NSUN7: variants seen among roughly 807,000 people sequenced by gnomAD.
NSUN7 encodes the protein protein NSUN7.
In NSUN7, 39 loss-of-function variants were observed where a neutral mutation model predicts 58.5. The observed-to-expected ratio is 0.67, with a 90% confidence interval of 0.52 to 0.87. The LOEUF is 0.87. Among genes scored for constraint, NSUN7 ranks in the 40% least tolerant of loss-of-function variants. The pLI, the probability that NSUN7 is intolerant of heterozygous loss-of-function variation, is 0.00. For missense variants in NSUN7, 765 were observed against 844.1 expected (o/e 0.91, Z 1.16); for synonymous variants, 278 against 303.7 (o/e 0.92, Z 0.88).
At chr4:40,760,617 C>G in intron 3 of NSUN7, 125 bp downstream of exon 3, 1 of 676,694 alleles carries the variant, frequency 1.5e-6, no homozygotes, top group Non-Finnish European at 2.4e-6. Context: ...AATCCCAGCA[C>G]TTTGGGAGGC....
intron 10 of NSUN7, 79 bp downstream of exon 10, chr4:40,798,983 A>G: frequency 3.2e-6 from 2 of 624,436 alleles, no homozygotes; most frequent in South Asian, 6.3e-5. Context: ...TAAGTTGTAT[A>G]AAGACATTCT....
At position 40,790,689 on chromosome 4, in the gene NSUN7, G is replaced by T; in HGVS notation, c.1124G>T (p.Arg375Leu). 6.2e-7 allele frequency: 1 copy of T among 1,603,574 alleles called. No homozygotes were observed. Among genetic ancestry groups the T allele is most frequent in the East Asian group, 2.3e-5 (1 of 44,350 alleles). The change falls in exon 8 of 12, where the codon CGT becomes CTT. Residue 375 changes from arginine (R) to leucine (L), a missense_variant. By Grantham distance (102) the Arg-to-Leu change is moderately radical (BLOSUM62 -2). Coordinates refer to ENST00000381782, the MANE Select transcript of NSUN7 (RefSeq NM_024677.6). ...QKVKVILLLP[R>L]CSGLGVSNPV... ...GTTAAAGTGATTTTGCTGCTACCTC[G>T]TTGTTCAGGACTGGGTGTTAGTAAT... is the stretch of plus-strand genomic sequence containing the variant.
intron 4 of NSUN7, among the ~76,000 whole-genome samples, chr4:40,768,480 G>A (rs1741844945): frequency 2.0e-5 from 3 of 152,222 alleles, no homozygotes; most frequent in Admixed American, 1.3e-4. Flanking sequence ...GTGAGCTGCC[G>A]TGCTCGGCCA....
At chr4:40,780,778 CACACACACATACACATATATATAT>C (rs1490166152) in intron 7 of NSUN7, among the ~76,000 whole-genome samples, 2 of 70,504 alleles carry the variant, frequency 2.8e-5, no homozygotes, top group African/African-American at 6.6e-5. Flanking sequence ...CACACACACA[CACACACACATACACATATATATAT>C]ATATATATAT....
chr4:40,809,020 C>G lies in NSUN7; in HGVS notation c.*81C>G, dbSNP rs984245599. 1.5e-6 allele frequency: 2 copies of G among 1,334,642 alleles called. No homozygotes were observed. Among genetic ancestry groups the G allele is most frequent in the Non-Finnish European group, 2.0e-6 (2 of 1,007,332 alleles). The allele number at this position is 1,334,642 out of a possible 1,614,324, so 82.7% of individuals were successfully genotyped here. ...GTATTTCTCTGAAGATTCTACATCT[C>G]TACACAAGATATTCATTCTTTTGGT... On this transcript the variant is annotated 3_prime_UTR_variant, in exon 12 of 12. Coordinates refer to ENST00000381782, the MANE Select transcript of NSUN7 (RefSeq NM_024677.6).
chr4:40,807,250 G>C (rs2154289617), intron 11 of NSUN7, 66 bp downstream of exon 11: 1 of 1,412,214 alleles, frequency 7.1e-7, no homozygotes, highest in Non-Finnish European at 9.5e-7. Context: ...CCTCATAAGA[G>C]GAAGCCAGGA....
At chr4:40,785,903 T>TGCCAGGCGCCCAGTCCTCC (rs1469196441) in intron 7 of NSUN7, among the ~76,000 whole-genome samples, 1 of 152,252 alleles carries the variant, frequency 6.6e-6, no homozygotes, top group African/African-American at 2.4e-5. Flanking sequence ...GCGCGGCGCC[T>TGCCAGGCGCCCAGTCCTCC]GCCAGGCGCC....
chr4:40,798,294 T>C (rs1315340606), intron 9 of NSUN7, among the ~76,000 whole-genome samples: 1 of 152,190 alleles, frequency 6.6e-6, no homozygotes, highest in East Asian at 1.9e-4. Flanking sequence ...AGGTGCTCAA[T>C]AAGTATGAAT....
chr4:40,792,788 G>A (rs1743153168), intron 8 of NSUN7, among the ~76,000 whole-genome samples: 1 of 151,524 alleles, frequency 6.6e-6, no homozygotes, highest in African/African-American at 2.4e-5. Context: ...TGAAGTAAGC[G>A]GGCTTTTGAA....
At position 40,750,920 on chromosome 4, in the gene NSUN7, G is replaced by A; in HGVS notation, c.227G>A (p.Arg76Gln). The A allele has an allele frequency of 1.2e-6, 2 of 1,614,184 alleles. No individual in the cohort carries two copies. The highest frequency in any genetic ancestry group is 1.7e-6 in the Non-Finnish European group (2 of 1,180,034). ...VLIKYGNEPL[R>Q]SLSESEDQSF... is the part of the protein sequence containing the mutation. ...ATCAAGTATGGGAATGAACCCCTGC[G>A]GTCCTTGTCCGAGTCTGAGGATCAG... The change falls in exon 2 of 12, where the codon CGG (arginine) becomes CAG (glutamine). Residue 76 changes from arginine to glutamine, a missense_variant. Coordinates refer to ENST00000381782, the MANE Select transcript of NSUN7 (RefSeq NM_024677.6).
chr4:40,779,536 G>C (rs1336176117), intron 7 of NSUN7, among the ~76,000 whole-genome samples: 2 of 152,062 alleles, frequency 1.3e-5, no homozygotes, highest in African/African-American at 4.8e-5. Flanking sequence ...CCTGGGAGGC[G>C]GAGCTTGCAG....
intron 8 of NSUN7, among the ~76,000 whole-genome samples, chr4:40,792,672 AC>A (rs1373860408): frequency 8.5e-4 from 129 of 151,018 alleles, no homozygotes; most frequent in African/African-American, 1.8e-3. Context: ...AATGGCTTGA[AC>A]CCCGGGGGGC....
At chr4:40,760,519 T>C (rs1741397539) in intron 3 of NSUN7, 27 bp downstream of exon 3, 4 of 1,511,568 alleles carry the variant, frequency 2.6e-6, no homozygotes, top group Non-Finnish European at 3.6e-6. Context: ...TAGAATTACA[T>C]CGTTTCATGA....
intron 7 of NSUN7, among the ~76,000 whole-genome samples, chr4:40,789,538 G>A (rs1262741516): frequency 6.9e-6 from 1 of 144,486 alleles, no homozygotes; most frequent in African/African-American, 2.5e-5. Context: ...AGAGATATAT[G>A]TGGTACTATT....
intron 4 of NSUN7, among the ~76,000 whole-genome samples, chr4:40,767,778 T>A (rs932591779): frequency 1.3e-5 from 2 of 152,220 alleles, no homozygotes; most frequent in African/African-American, 4.8e-5. Context: ...ATTTGCTTTA[T>A]CTCTTTATCT....
At chr4:40,799,081 T>TTTTG (rs1743454334) in intron 10 of NSUN7, among the ~76,000 whole-genome samples, 177 bp downstream of exon 10, 3 of 136,484 alleles carry the variant, frequency 2.2e-5, no homozygotes, top group Non-Finnish European at 4.7e-5. Flanking sequence ...TTCTTTTTTT[T>TTTTG]TTTTTTTTTT....
intron 7 of NSUN7, among the ~76,000 whole-genome samples, chr4:40,788,496 T>C (rs1156606369): frequency 6.6e-6 from 1 of 152,050 alleles, no homozygotes; most frequent in Non-Finnish European, 1.5e-5. Flanking sequence ...GGCCAGTTCT[T>C]ATTATTGCCT....
At position 40,807,168 on chromosome 4, in the gene NSUN7, C is replaced by CTAT; in HGVS notation, c.1510_1512dup (p.Ile504dup). 1 of 1,545,844 alleles carries CTAT rather than the reference C, an allele frequency of 6.5e-7. No homozygotes were observed. The highest frequency in any genetic ancestry group is 2.5e-5 in the East Asian group (1 of 40,638). On this transcript the variant is annotated inframe_insertion, in exon 11 of 12. Coordinates refer to ENST00000381782, the MANE Select transcript of NSUN7 (RefSeq NM_024677.6). ...GAAATTACCAATGGTTGTTTTCTTT[C>CTAT]TATTTTAACAAGGGAGGTAAGGAAA...
At chr4:40,785,792 T>C (rs1249114173) in intron 7 of NSUN7, among the ~76,000 whole-genome samples, 1 of 152,252 alleles carries the variant, frequency 6.6e-6, no homozygotes, top group African/African-American at 2.4e-5. Flanking sequence ...TAAGAGGGAA[T>C]GTTGTAGGCT....
Sources: allele counts gnomAD v4.1 joint callset (sites outside exome capture counted in the v4.1 genomes callset), GRCh38; gene constraint gnomAD v4.1.1; transcripts MANE v1.5; gene names NCBI Gene and HGNC (gene_info 2026-07-23, HGNC 2026-07-21).